The following MCF2L variants were observed in gnomAD, a reference collection of about 807,000 sequenced individuals.
MCF2L encodes guanine nucleotide exchange factor DBS.
In MCF2L, 97 loss-of-function variants were observed where a neutral mutation model predicts 153.4. The observed-to-expected ratio is 0.63, with a 90% CI of 0.54 to 0.75. The LOEUF (loss-of-function observed/expected upper bound fraction) is 0.75, where lower values mean the gene tolerates loss of function less well. MCF2L is among the 30% of genes least tolerant of loss of function. The probability of loss-of-function intolerance (pLI) is 0.00; values close to 1 mark genes in which losing one functional copy is unlikely to be tolerated. For missense variants in MCF2L, 1,347 were observed against 1,495.2 expected (o/e 0.90, Z 1.64); for synonymous variants, 659 against 632.2 (o/e 1.04, Z -0.64).
At chr13:113,088,002 C>T (rs1307096593) in intron 23 of MCF2L, among the ~76,000 whole-genome samples, 1 of 152,196 alleles carries the variant, frequency 6.6e-6, no homozygotes, top group Non-Finnish European at 1.5e-5. Flanking sequence ...CGGGGTGCTG[C>T]GAGGAAACGG....
intron 1 of MCF2L, chr13:113,001,750 G>T: frequency 7.3e-7 from 1 of 1,361,186 alleles, no homozygotes. Flanking sequence ...AGGAGCAGCC[G>T]GCTGGCTGCC....
chr13:113,091,831 C>G (rs912523055), intron 26 of MCF2L, among the ~76,000 whole-genome samples: 1 of 152,218 alleles, frequency 6.6e-6, no homozygotes, highest in African/African-American at 2.4e-5. Context: ...GGACGGGGCT[C>G]ATGTTTGCAA....
In MCF2L at chr13:112,926,831, G is replaced by C. The variant is rs1218224316; in HGVS notation, c.169+24460G>C. ...GGGTGGGATGTGCTGGGAAGATGTT[G>C]GTCAGGGATTATTGTACAGTATGGT... On this transcript the variant is annotated intron_variant, in intron 2 of 29. Coordinates refer to the MCF2L transcript ENST00000375608. 1.1e-4 allele frequency among the ~76,000 whole-genome samples: 17 copies of C among 152,246 alleles called. No homozygotes were observed. The East Asian group carries it at 3.3e-3, about 29-fold the overall frequency.
At chr13:112,995,327 G>A (rs2083079989) in intron 1 of MCF2L, among the ~76,000 whole-genome samples, 1 of 152,262 alleles carries the variant, frequency 6.6e-6, no homozygotes, top group African/African-American at 2.4e-5. Flanking sequence ...ATGATTAAGA[G>A]AAAGAAGGAA....
chr13:113,032,666 C>T (rs1342236599), intron 3 of MCF2L, among the ~76,000 whole-genome samples: 1 of 152,156 alleles, frequency 6.6e-6, no homozygotes, highest in Non-Finnish European at 1.5e-5. Context: ...CCTCCTGGGC[C>T]CAAGGTGATC....
rs1273383258 is a variant in MCF2L at position 113,024,641 on chromosome 13, C to G, written c.164-3C>G. The G allele has an allele frequency of 2.5e-6, 4 of 1,609,768 alleles. No individual in the cohort carries two copies. The highest frequency in any genetic ancestry group is 2.2e-5 in the East Asian group (1 of 44,858). ...TAAGGGTCTGCCTCTGGTCTCTCCC[C>G]AGGTGGGCGGGGGCAGGACGGAAGC... On this transcript the variant is annotated splice_region_variant and splice_polypyrimidine_tract_variant and intron_variant, in intron 2 of 29. Coordinates refer to ENST00000535094, the MANE Select transcript of MCF2L (RefSeq NM_001112732.3).
intron 4 of MCF2L, among the ~76,000 whole-genome samples, chr13:113,052,284 G>T (rs757319698): frequency 6.6e-6 from 1 of 152,154 alleles, no homozygotes; most frequent in Non-Finnish European, 1.5e-5. Flanking sequence ...GTTTTTTCTC[G>T]CAGAGAAGAG....
In MCF2L at chr13:112,998,958, C is replaced by T. The variant is rs539102287; in HGVS notation, c.80-15805C>T. Reference sequence around the variant, plus strand: ...CTGTGGGTGGGGAGCCCTCAGTCTCCTGGACTGAGTGAGAAACGGTGGGTG... The same window carrying T: ...CTGTGGGTGGGGAGCCCTCAGTCTCTTGGACTGAGTGAGAAACGGTGGGTG... On this transcript the variant is annotated intron_variant, in intron 1 of 29. Transcript: ENST00000535094. Among the ~76,000 whole-genome samples, 7 of 152,316 alleles carry T rather than the reference C, an allele frequency of 4.6e-5. No homozygotes were observed. The South Asian group carries it at 1.5e-3, about 32-fold the overall frequency.
chr13:112,982,739 G>A (rs1001552795), intron 1 of MCF2L, among the ~76,000 whole-genome samples: 12 of 152,202 alleles, frequency 7.9e-5, no homozygotes, highest in Non-Finnish European at 1.5e-4. Flanking sequence ...GGCTGAGCCC[G>A]TGCTGCATAA....
chr13:112,931,834 G>A (rs2081466909), intron 2 of MCF2L, among the ~76,000 whole-genome samples: 1 of 152,144 alleles, frequency 6.6e-6, no homozygotes, highest in African/African-American at 2.4e-5. Context: ...CCAGAGGGAC[G>A]CAGGAACCAC....
rs369388790 is a variant in MCF2L, at chr13:113,070,207, T to C, written c.996+34T>C. The C allele has an allele frequency of 1.7e-5, 25 of 1,437,130 alleles. No individual in the cohort carries two copies. Among genetic ancestry groups the C allele is most frequent in the Non-Finnish European group, 2.4e-5 (25 of 1,059,206 alleles). The allele number at this position is 1,437,130 out of a possible 1,614,324, so 89.0% of individuals were successfully genotyped here. ...CCCTGGGTGGAGCCGGCAGCCGCCC[T>C]GATGCTCACGGGGCCTCCTGTGCCT... On this transcript the variant is annotated intron_variant, in intron 9 of 29. Coordinates refer to ENST00000535094, the MANE Select transcript of MCF2L (RefSeq NM_001112732.3). This position sits in a 1 kb window ranked among gnomAD's most constrained non-coding sequence, Gnocchi z 5.6.
intron 27 of MCF2L, chr13:113,096,102 G>A: frequency 1.8e-6 from 1 of 556,582 alleles, no homozygotes; most frequent in Non-Finnish European, 3.2e-6. Flanking sequence ...CAAAGGCCCT[G>A]GGGCCGAGAG....
intron 3 of MCF2L, among the ~76,000 whole-genome samples, chr13:113,037,217 G>A (rs571744306): frequency 4.6e-5 from 7 of 152,346 alleles, no homozygotes; most frequent in Admixed American, 2.6e-4. Flanking sequence ...TCTGTGTGCT[G>A]TTAGGATGAT....
intron 3 of MCF2L, chr13:113,044,519 C>A: frequency 9.7e-7 from 1 of 1,029,890 alleles, no homozygotes; most frequent in South Asian, 1.5e-5. Flanking sequence ...ATTCTAGCCC[C>A]TGCCTTAGGC....
At chr13:113,029,289 G>A (rs1566764193) in intron 3 of MCF2L, among the ~76,000 whole-genome samples, 1 of 152,156 alleles carries the variant, frequency 6.6e-6, no homozygotes, top group Non-Finnish European at 1.5e-5. Flanking sequence ...GGCTGCAGGC[G>A]TGCTGTGGGG....
At chr13:113,000,850 G>A (rs532649277) in intron 1 of MCF2L, among the ~76,000 whole-genome samples, 4 of 152,324 alleles carry the variant, frequency 2.6e-5, no homozygotes, top group East Asian at 1.9e-4. Context: ...ATAGCAGGCC[G>A]GGGTCCCACC....
intron 15 of MCF2L, among the ~76,000 whole-genome samples, chr13:113,079,814 TGA>T (rs2033915421): frequency 3.1e-5 from 2 of 65,362 alleles, no homozygotes; most frequent in African/African-American, 5.6e-5. Context: ...GAGGAATGTC[TGA>T]ATGGAGGAGG....
At chr13:113,083,816 C>T (rs1159112611) in intron 17 of MCF2L, among the ~76,000 whole-genome samples, 182 bp from the exon 18 acceptor site, 3 of 152,228 alleles carry the variant, frequency 2.0e-5, no homozygotes, top group East Asian at 1.9e-4. Flanking sequence ...TGGGGCTGCA[C>T]CTGCTGGCGC....
chr13:112,959,636 G>T (rs1344287424), intron 2 of MCF2L, among the ~76,000 whole-genome samples: 4 of 152,142 alleles, frequency 2.6e-5, no homozygotes, highest in Non-Finnish European at 4.4e-5. Context: ...TGACTTCTAG[G>T]TTAGATTTTC....
Sources: allele counts gnomAD v4.1 joint callset (sites outside exome capture counted in the v4.1 genomes callset), GRCh38; gene constraint gnomAD v4.1.1; non-coding constraint Gnocchi (gnomAD v3.1); transcripts MANE v1.5; gene names NCBI Gene and HGNC (gene_info 2026-07-23, HGNC 2026-07-21).